Variants in SYN3 observed in about 807,000 individuals in gnomAD.
SYN3 encodes synapsin-3.
SYN3 carries 35 observed loss-of-function variants against 65.8 expected under a neutral mutation model. The ratio of observed to expected loss-of-function variants is 0.53; its 90% CI spans 0.41 to 0.70. The LOEUF is 0.70. Among genes scored for constraint, SYN3 ranks in the 30% least tolerant of loss-of-function variants. The pLI is 0.00. For missense variants in SYN3, 680 were observed against 749.0 expected (o/e 0.91, Z 1.08); for synonymous variants, 270 against 292.9 (o/e 0.92, Z 0.80).
intron 6 of SYN3, among the ~76,000 whole-genome samples, chr22:32,776,408 C>G (rs1039954041): frequency 2.0e-5 from 3 of 152,170 alleles, no homozygotes; most frequent in African/African-American, 7.2e-5. Context: ...GATAGTCATG[C>G]CTTACCAGGT....
intron 6 of SYN3, among the ~76,000 whole-genome samples, chr22:32,692,900 A>G (rs1307708698): frequency 6.6e-6 from 1 of 152,180 alleles, no homozygotes; most frequent in Non-Finnish European, 1.5e-5. Context: ...AAATCTTTCC[A>G]GCACCATTTC....
At chr22:32,965,844 GC>G (rs2051821646) in intron 3 of SYN3, among the ~76,000 whole-genome samples, 1 of 151,994 alleles carries the variant, frequency 6.6e-6, no homozygotes, top group Non-Finnish European at 1.5e-5. Context: ...ACAGGCGCCC[GC>G]CACCACACCC....
At chr22:32,770,491 G>A (rs1179691677) in intron 6 of SYN3, among the ~76,000 whole-genome samples, 5 of 151,948 alleles carry the variant, frequency 3.3e-5, no homozygotes, top group African/African-American at 9.7e-5. Context: ...TCTGCTCCTC[G>A]TGCTGCTCCT....
At chr22:32,654,524 C>G (rs1360290425) in intron 6 of SYN3, among the ~76,000 whole-genome samples, 2 of 152,180 alleles carry the variant, frequency 1.3e-5, no homozygotes, top group Non-Finnish European at 2.9e-5. Context: ...CAGCTTGTCC[C>G]CTGCCTACGT....
chr22:32,582,119 G>T (rs2058956997), intron 7 of SYN3, among the ~76,000 whole-genome samples: 2 of 152,146 alleles, frequency 1.3e-5, no homozygotes, highest in East Asian at 3.9e-4. Flanking sequence ...TGTTATAAAA[G>T]AATCTGGAAA....
intron 6 of SYN3, among the ~76,000 whole-genome samples, chr22:32,765,857 C>T (rs1490721495): frequency 6.6e-6 from 1 of 152,076 alleles, no homozygotes; most frequent in Non-Finnish European, 1.5e-5. Flanking sequence ...TGTGGAAGAA[C>T]CTTAGAGAAG....
chr22:32,623,559 C>T (rs1396079168), intron 6 of SYN3, among the ~76,000 whole-genome samples: 1 of 152,240 alleles, frequency 6.6e-6, no homozygotes, highest in African/African-American at 2.4e-5. Context: ...ATAACCCCAA[C>T]CTGCCTGCCC....
intron 2 of SYN3, among the ~76,000 whole-genome samples, chr22:32,990,329 C>CATCCATCA (rs2052665422): frequency 6.6e-6 from 1 of 151,478 alleles, no homozygotes; most frequent in Non-Finnish European, 1.5e-5. Flanking sequence ...TCCATCCATC[C>CATCCATCA]ATCCATCCAT....
chr22:32,572,243 C>CTCCT (rs796725900), intron 7 of SYN3, among the ~76,000 whole-genome samples: 1 of 112,242 alleles, frequency 8.9e-6, no homozygotes, highest in South Asian at 3.0e-4. Context: ...CAGATTCTGG[C>CTCCT]TCCTTCCTTC....
At chr22:33,026,740 C>T (rs1569412597) in intron 1 of SYN3, among the ~76,000 whole-genome samples, 2 of 152,164 alleles carry the variant, frequency 1.3e-5, no homozygotes, top group Non-Finnish European at 2.9e-5. Context: ...CCATGCCCAT[C>T]GACCTGGTTG....
At chr22:33,014,813 G>C (rs546808988) in intron 1 of SYN3, among the ~76,000 whole-genome samples, 1 of 152,290 alleles carries the variant, frequency 6.6e-6, no homozygotes, top group Admixed American at 6.5e-5. Flanking sequence ...AAGGACAAGA[G>C]TCGTAGAAGC....
Position 32,604,955 on chromosome 22 carries a change from G to T in SYN3, c.712-8219C>A, listed in dbSNP as rs193198232. ...CGGGAGGTGGAGCTTGCAGTGAGCC[G>T]AGATGGCGCCACTGCACACCAGCCT... On this transcript the variant is annotated intron_variant, in intron 6 of 13. Coordinates refer to ENST00000358763, the MANE Select transcript of SYN3 (RefSeq NM_003490.4). Among the ~76,000 whole-genome samples, 564 of 146,312 alleles carry T rather than the reference G, an allele frequency of 3.9e-3. 6 individuals are homozygous for T. The highest frequency in any genetic ancestry group is 0.014 in the African/African-American group (543 of 39,438).
chr22:32,989,832 C>G (rs1441862696), intron 2 of SYN3, among the ~76,000 whole-genome samples: 16 of 55,676 alleles, frequency 2.9e-4, no homozygotes, highest in Non-Finnish European at 5.3e-4. Context: ...GAGACTCCAT[C>G]TTCAAAAAAA....
rs1053426235 is a variant in SYN3, at chr22:32,763,313, A to AT, written c.711+101601dup. 1.8e-3 allele frequency among the ~76,000 whole-genome samples: 268 copies of AT among 148,836 alleles called. 1 individual carries two copies. Among genetic ancestry groups the AT allele is most frequent in the Non-Finnish European group, 2.5e-3 (166 of 66,934 alleles). On this transcript the variant is annotated intron_variant, in intron 6 of 13. Transcript: ENST00000358763. ...AAGCGCCTGCCACCACGCCTGGCTA[A>AT]TTTTTTTTTTGCATTATTTAGTAGA...
At chr22:33,014,455 A>G (rs761926501) in intron 1 of SYN3, 3 of 151,530 alleles carry the variant, frequency 2.0e-5, no homozygotes, top group Non-Finnish European at 4.4e-5. Flanking sequence ...TTTCTGAGGA[A>G]CCTCCATGCC....
intron 6 of SYN3, among the ~76,000 whole-genome samples, chr22:32,819,525 C>T (rs2047178330): frequency 6.6e-6 from 1 of 152,194 alleles, no homozygotes; most frequent in Non-Finnish European, 1.5e-5. Context: ...GACAGATTCT[C>T]TCCTTGAACA....
chr22:32,920,730 C>G (rs976998102), intron 4 of SYN3, among the ~76,000 whole-genome samples: 1 of 152,144 alleles, frequency 6.6e-6, no homozygotes, highest in Non-Finnish European at 1.5e-5. Flanking sequence ...CTTCTCTGCC[C>G]TGCTCTGAGC....
chr22:32,785,344 C>T (rs1445835374), intron 6 of SYN3, among the ~76,000 whole-genome samples: 2 of 152,178 alleles, frequency 1.3e-5, no homozygotes, highest in African/African-American at 4.8e-5. Context: ...CACCATGCTT[C>T]CGGGTAGAGT....
chr22:32,744,153 C>A (rs1427797836), intron 6 of SYN3, among the ~76,000 whole-genome samples: 1 of 152,114 alleles, frequency 6.6e-6, no homozygotes, highest in East Asian at 1.9e-4. Context: ...ATGCTACCTT[C>A]TCTGCATTTT....
Sources: gnomAD v4.1 joint callset for allele counts (sites outside exome capture counted in the v4.1 genomes callset) on GRCh38, gnomAD v4.1.1 for gene constraint, MANE v1.5 for transcripts, NCBI Gene and HGNC (gene_info 2026-07-23, HGNC 2026-07-21) for gene names.